PARP8: variants seen among roughly 807,000 people sequenced by gnomAD.
The protein encoded by PARP8 is protein mono-ADP-ribosyltransferase PARP8.
In PARP8, 51 loss-of-function variants were observed where a neutral mutation model predicts 124.1. That is an observed-to-expected ratio of 0.41 (90% CI 0.33 to 0.52). The LOEUF is 0.52. PARP8 is among the 20% of genes least tolerant of loss of function. PARP8 has a pLI of 0.21. For synonymous variants in PARP8, 391 were observed against 361.5 expected (o/e 1.08, Z -0.93); for missense variants, 860 against 1,018.9 (o/e 0.84, Z 2.12).
intron 12 of PARP8, among the ~76,000 whole-genome samples, chr5:50,796,530 T>C (rs1742577487): frequency 6.6e-6 from 1 of 152,216 alleles, no homozygotes; most frequent in Non-Finnish European, 1.5e-5. Flanking sequence ...AGAAAATGCC[T>C]TAATAACCTC....
intron 2 of PARP8, among the ~76,000 whole-genome samples, chr5:50,704,773 G>A (rs753666007): frequency 2.6e-5 from 4 of 152,188 alleles, no homozygotes; most frequent in Non-Finnish European, 5.9e-5. Flanking sequence ...CCTTTTTAAT[G>A]TGACGATTTA....
At chr5:50,827,068 T>C (rs1746430617) in intron 19 of PARP8, among the ~76,000 whole-genome samples, 1 of 152,142 alleles carries the variant, frequency 6.6e-6, no homozygotes, top group African/African-American at 2.4e-5. Context: ...CCACAAGCAA[T>C]TGAAAAATAT....
chr5:50,723,403 T>C (rs1042979672), intron 2 of PARP8, among the ~76,000 whole-genome samples: 3 of 152,104 alleles, frequency 2.0e-5, no homozygotes, highest in Admixed American at 1.3e-4. Context: ...ACTTTGGTGA[T>C]GATGATTATG....
At chr5:50,673,298 G>A (rs906442037) in intron 2 of PARP8, among the ~76,000 whole-genome samples, 1 of 152,042 alleles carries the variant, frequency 6.6e-6, no homozygotes, top group African/African-American at 2.4e-5. Flanking sequence ...TCATTGTTGA[G>A]TTTTAAAACC....
intron 17 of PARP8, among the ~76,000 whole-genome samples, chr5:50,823,584 A>G (rs557543172): frequency 2.6e-5 from 4 of 152,296 alleles, no homozygotes; most frequent in African/African-American, 9.6e-5. Context: ...CACCTAGGAG[A>G]AAAAAAGAAC....
At chr5:50,695,688 C>T (rs201489536) in intron 2 of PARP8, among the ~76,000 whole-genome samples, 1 of 37,404 alleles carries the variant, frequency 2.7e-5, no homozygotes, top group Non-Finnish European at 1.1e-4. Flanking sequence ...AAATTTTTTT[C>T]TAATAACAAA....
At chr5:50,802,304 T>A (rs571731219) in intron 14 of PARP8, among the ~76,000 whole-genome samples, 43 of 152,270 alleles carry the variant, frequency 2.8e-4, no homozygotes, top group Non-Finnish European at 3.7e-4. Context: ...CTAGTTTGGA[T>A]TAATACCAAC....
intron 2 of PARP8, among the ~76,000 whole-genome samples, chr5:50,732,510 G>C (rs776217278): frequency 2.0e-4 from 30 of 152,198 alleles, no homozygotes; most frequent in Non-Finnish European, 1.2e-4. Context: ...TTTGGAAACA[G>C]TATATAGTTG....
Position 50,815,405 on chromosome 5 carries a change from TGTGATTGA to T in PARP8, c.1576-26_1576-19del. ...GATATTGAGAGTTGGAAAAAAGTTT[TGTGATTGA>T]TTCCTTTTTCTTTTGTAGCCTACCG... On this transcript the variant is annotated intron_variant, in intron 14 of 25. Coordinates refer to ENST00000281631, the MANE Select transcript of PARP8 (RefSeq NM_024615.4). The T allele has an allele frequency of 6.6e-7, 1 of 1,515,884 alleles. No homozygotes were observed. Among genetic ancestry groups the T allele is most frequent in the Non-Finnish European group, 8.8e-7 (1 of 1,130,166 alleles). The allele number at this position is 1,515,884 out of a possible 1,614,324, so 93.9% of individuals were successfully genotyped here. A position where few individuals can be genotyped will look rare whatever the true frequency, so the allele number is the denominator to read the frequency against.
intron 14 of PARP8, among the ~76,000 whole-genome samples, chr5:50,798,711 C>T (rs1209716844): frequency 3.3e-5 from 5 of 152,080 alleles, no homozygotes; most frequent in Admixed American, 2.0e-4. Context: ...CGTGAACCAC[C>T]GCGCCTGGCC....
rs180892089 is a variant in PARP8, at chr5:50,828,460, G to T, written c.2163+76G>T. On this transcript the variant is annotated intron_variant, in intron 21 of 25. Coordinates refer to ENST00000281631, the MANE Select transcript of PARP8 (RefSeq NM_024615.4). ...ATTCAGTAAGCAACCCTGTTGTTAGGTTTAACTTGCAAAAGAGGAAGCATG... is the reference window on the plus strand; with the variant it reads ...ATTCAGTAAGCAACCCTGTTGTTAGTTTTAACTTGCAAAAGAGGAAGCATG... 3.6e-5 allele frequency: 48 copies of T among 1,329,466 alleles called. No homozygotes were observed. The African/African-American group carries it at 6.9e-4, about 19-fold the overall frequency. The allele number at this position is 1,329,466 out of a possible 1,614,324, so 82.4% of individuals were successfully genotyped here.
chr5:50,723,264 G>A (rs910923684), intron 2 of PARP8, among the ~76,000 whole-genome samples: 3 of 152,168 alleles, frequency 2.0e-5, no homozygotes, highest in Admixed American at 6.5e-5. Flanking sequence ...ATTCTAGAGT[G>A]AAGTCCTGTC....
intron 2 of PARP8, among the ~76,000 whole-genome samples, chr5:50,681,631 G>T (rs1751303404): frequency 6.6e-6 from 1 of 152,132 alleles, no homozygotes; most frequent in Admixed American, 6.6e-5. Context: ...AAAATAAAAT[G>T]AAAGTCCTCT....
intron 2 of PARP8, among the ~76,000 whole-genome samples, chr5:50,741,006 G>A (rs1341576067): frequency 3.3e-5 from 5 of 151,986 alleles, no homozygotes; most frequent in Admixed American, 6.6e-5. Context: ...TTATTCAGTC[G>A]TATTTAGTTT....
At chr5:50,756,252 C>G in intron 3 of PARP8, among the ~76,000 whole-genome samples, 1 of 152,074 alleles carries the variant, frequency 6.6e-6, no homozygotes, top group African/African-American at 2.4e-5. Context: ...GCATCCCTGT[C>G]TTGTGCCAGT....
intron 2 of PARP8, among the ~76,000 whole-genome samples, chr5:50,718,605 A>G (rs1045843941): frequency 6.6e-6 from 1 of 152,026 alleles, no homozygotes; most frequent in Non-Finnish European, 1.5e-5. Context: ...TTTACATAGC[A>G]TAATGTCCTC....
intron 3 of PARP8, among the ~76,000 whole-genome samples, chr5:50,756,192 G>C (rs191622201): frequency 1.1e-4 from 17 of 152,054 alleles, no homozygotes; most frequent in Admixed American, 1.1e-3. Flanking sequence ...CTGCTTGATT[G>C]CCCTGGCCAG....
At chr5:50,841,094 A>G (rs1231462191) in intron 25 of PARP8, among the ~76,000 whole-genome samples, 2 of 151,844 alleles carry the variant, frequency 1.3e-5, no homozygotes, top group African/African-American at 4.8e-5. Context: ...AGTGGCTAGT[A>G]TTAATCTTTG....
chr5:50,831,892 G>A (rs1213962175), intron 22 of PARP8, among the ~76,000 whole-genome samples: 1 of 152,126 alleles, frequency 6.6e-6, no homozygotes, highest in Non-Finnish European at 1.5e-5. Flanking sequence ...GTAAGATGAC[G>A]TAGCATCTGT....
Sources: gnomAD v4.1 joint callset for allele counts (sites outside exome capture counted in the v4.1 genomes callset) on GRCh38, gnomAD v4.1.1 for gene constraint, MANE v1.5 for transcripts, NCBI Gene and HGNC (gene_info 2026-07-23, HGNC 2026-07-21) for gene names.